Variants in CNTNAP2 observed in about 807,000 individuals in gnomAD.
The protein encoded by CNTNAP2 is contactin associated protein 2, also known as contactin-associated protein-like 2.
A neutral mutation model predicts 155.2 loss-of-function variants in CNTNAP2; 98 were observed. The observed-to-expected ratio is 0.63, with a 90% CI of 0.54 to 0.75. The LOEUF is 0.75. Ranked by LOEUF, CNTNAP2 falls within the 30% of genes least tolerant of loss-of-function variation. The pLI is 0.00. For synonymous variants in CNTNAP2, 651 were observed against 631.2 expected, an observed-to-expected ratio of 1.03 and a Z score of -0.47; for missense variants, 1,727 against 1,688.1, an observed-to-expected ratio of 1.02 and a Z score of -0.40.
chr7:146,548,991 G>T (rs944964839), intron 1 of CNTNAP2, among the ~76,000 whole-genome samples: 1 of 150,450 alleles, frequency 6.6e-6, no homozygotes, highest in African/African-American at 2.4e-5. Flanking sequence ...CTAGTTTCAG[G>T]TCTTAATTTG....
intron 1 of CNTNAP2, among the ~76,000 whole-genome samples, chr7:146,526,967 TG>T (rs1797700165): frequency 1.3e-5 from 2 of 152,096 alleles, no homozygotes; most frequent in Admixed American, 6.6e-5. Flanking sequence ...TTGCCCAGGC[TG>T]GTCTCAAATT....
chr7:148,410,028 G>T (rs1487733779), intron 23 of CNTNAP2, among the ~76,000 whole-genome samples: 1 of 31,398 alleles, frequency 3.2e-5, no homozygotes, highest in Non-Finnish European at 6.8e-5. Context: ...TCCGGCCTGG[G>T]CTAAAGAGCG....
chr7:146,439,584 GC>G (rs2057377331), intron 1 of CNTNAP2, among the ~76,000 whole-genome samples: 2 of 151,304 alleles, frequency 1.3e-5, no homozygotes, highest in Non-Finnish European at 2.9e-5. Context: ...ATTTCCAGAA[GC>G]CCCCAAACAA....
intron 13 of CNTNAP2, among the ~76,000 whole-genome samples, chr7:147,876,536 G>C (rs1176665873): frequency 6.6e-6 from 1 of 152,056 alleles, no homozygotes; most frequent in Admixed American, 6.6e-5. Flanking sequence ...CCAGATAATG[G>C]GTAAAGTGGC....
At chr7:146,251,417 T>C (rs1799754934) in intron 1 of CNTNAP2, among the ~76,000 whole-genome samples, 1 of 152,194 alleles carries the variant, frequency 6.6e-6, no homozygotes, top group African/African-American at 2.4e-5. Flanking sequence ...GCTGTCAAAA[T>C]GTGGTGTTAC....
chr7:148,286,519 A>T (rs1797086092), intron 21 of CNTNAP2, among the ~76,000 whole-genome samples: 1 of 152,226 alleles, frequency 6.6e-6, no homozygotes, highest in Non-Finnish European at 1.5e-5. Context: ...TTGTGGGCCT[A>T]ATTACTATTT....
intron 11 of CNTNAP2, among the ~76,000 whole-genome samples, chr7:147,489,088 A>G (rs746377182): frequency 2.0e-5 from 3 of 152,236 alleles, no homozygotes; most frequent in African/African-American, 4.8e-5. Context: ...CTTTTATGGC[A>G]GATTTGGACT....
intron 1 of CNTNAP2, among the ~76,000 whole-genome samples, chr7:146,408,987 A>G (rs1290351592): frequency 1.3e-5 from 2 of 152,182 alleles, no homozygotes; most frequent in African/African-American, 4.8e-5. Context: ...AATAGACACA[A>G]TGATGACTAT....
intron 3 of CNTNAP2, among the ~76,000 whole-genome samples, chr7:146,852,087 C>A (rs528540448): frequency 7.6e-4 from 115 of 152,224 alleles, no homozygotes; most frequent in African/African-American, 2.7e-3. Flanking sequence ...TGTAAAGACC[C>A]TGTTTCCAAA....
chr7:146,721,096 A>G (rs1208240904), intron 1 of CNTNAP2, among the ~76,000 whole-genome samples: 1 of 129,164 alleles, frequency 7.7e-6, no homozygotes, highest in Non-Finnish European at 1.6e-5. Flanking sequence ...CTGTCTATAT[A>G]TATTCTCTAT....
At chr7:148,327,421 A>G (rs1489577509) in intron 21 of CNTNAP2, among the ~76,000 whole-genome samples, 1 of 152,182 alleles carries the variant, frequency 6.6e-6, no homozygotes, top group Non-Finnish European at 1.5e-5. Flanking sequence ...CCTTTCCAAC[A>G]TCCTCACTGA....
intron 9 of CNTNAP2, among the ~76,000 whole-genome samples, chr7:147,347,478 A>G: frequency 2.2e-5 from 1 of 45,408 alleles, no homozygotes; most frequent in East Asian, 4.2e-4. Context: ...ATATATATGC[A>G]TATATATATA....
intron 1 of CNTNAP2, among the ~76,000 whole-genome samples, chr7:146,396,018 G>A (rs190895399): frequency 1.3e-3 from 204 of 152,094 alleles, no homozygotes; most frequent in African/African-American, 4.3e-3. Flanking sequence ...TAACATTCCC[G>A]AATGTTCTTG....
intron 1 of CNTNAP2, among the ~76,000 whole-genome samples, chr7:146,123,344 C>G (rs989742470): frequency 9.2e-5 from 14 of 152,234 alleles, no homozygotes; most frequent in Non-Finnish European, 1.5e-4. Context: ...AGGAAAAATT[C>G]CCCAAACATA....
chr7:147,600,790 A>G (rs924864217), intron 12 of CNTNAP2, among the ~76,000 whole-genome samples: 4 of 151,552 alleles, frequency 2.6e-5, no homozygotes, highest in Non-Finnish European at 5.9e-5. Context: ...TCCTACTACT[A>G]TGTCCCTAAA....
intron 15 of CNTNAP2, among the ~76,000 whole-genome samples, chr7:148,057,251 A>C (rs537826627): frequency 6.6e-6 from 1 of 152,094 alleles, no homozygotes; most frequent in South Asian, 2.1e-4. Flanking sequence ...GAGGGTGCAC[A>C]AGTAGCCAGG....
chr7:147,516,835 A>C (rs1013463481), intron 11 of CNTNAP2, among the ~76,000 whole-genome samples: 14 of 144,168 alleles, frequency 9.7e-5, no homozygotes, highest in African/African-American at 3.4e-4. Flanking sequence ...AATGTAATTA[A>C]TTTCTTTCTT....
At chr7:146,721,494 CTA>C (rs1282326757) in intron 1 of CNTNAP2, among the ~76,000 whole-genome samples, 5 of 112,002 alleles carry the variant, frequency 4.5e-5, no homozygotes, top group African/African-American at 1.9e-4. Context: ...TATATACATT[CTA>C]TATATATTCT....
At chr7:146,813,208 A>C (rs1241967271) in intron 2 of CNTNAP2, among the ~76,000 whole-genome samples, 1 of 152,176 alleles carries the variant, frequency 6.6e-6, no homozygotes, top group East Asian at 1.9e-4. Context: ...ACTGTCCTCT[A>C]GACCAGAGAA....
Sources: allele counts gnomAD v4.1 joint callset (sites outside exome capture counted in the v4.1 genomes callset), GRCh38; gene constraint gnomAD v4.1.1; transcripts MANE v1.5; gene names NCBI Gene and HGNC (gene_info 2026-07-23, HGNC 2026-07-21).